WWOX: variants seen among roughly 807,000 people sequenced by gnomAD.
The protein encoded by WWOX is WW domain-containing oxidoreductase.
Under a neutral mutation model 46.2 loss-of-function variants are expected in WWOX, and 69 were observed. That is an observed-to-expected ratio of 1.49 (90% CI 1.23 to 1.82). WWOX has a LOEUF of 1.82. Ranked by LOEUF, WWOX falls within the 40% of genes most tolerant of loss-of-function variation. WWOX has a pLI of 0.00. For synonymous variants in WWOX, 359 were observed against 202.6 expected (o/e 1.77, Z -6.56); for missense variants, 919 against 542.6 (o/e 1.69, Z -6.89).
intron 8 of WWOX, among the ~76,000 whole-genome samples, chr16:78,632,038 A>T (rs2046444992): frequency 6.6e-6 from 1 of 152,168 alleles, no homozygotes; most frequent in African/African-American, 2.4e-5. Context: ...TTTCTTAAAA[A>T]AAATAAAAGT....
At chr16:79,067,793 G>A (rs980870048) in intron 8 of WWOX, among the ~76,000 whole-genome samples, 2 of 152,166 alleles carry the variant, frequency 1.3e-5, no homozygotes, top group Non-Finnish European at 2.9e-5. Flanking sequence ...GGACTTTGTG[G>A]TTCGAATGGA....
chr16:78,726,151 C>T (rs528057493), intron 8 of WWOX, among the ~76,000 whole-genome samples: 2 of 142,454 alleles, frequency 1.4e-5, no homozygotes, highest in East Asian at 2.2e-4. Context: ...CTCTTTCTCT[C>T]TTTCTCTTTC....
intron 8 of WWOX, among the ~76,000 whole-genome samples, chr16:78,981,350 C>A (rs1248779978): frequency 6.6e-6 from 1 of 152,004 alleles, no homozygotes; most frequent in Non-Finnish European, 1.5e-5. Context: ...CAGCAGATCT[C>A]TTTAGGGCAG....
chr16:78,766,711 G>C (rs1488384577), intron 8 of WWOX, among the ~76,000 whole-genome samples: 1 of 152,186 alleles, frequency 6.6e-6, no homozygotes, highest in East Asian at 1.9e-4. Context: ...GCCTGAACAG[G>C]CTCAGAGCAA....
intron 5 of WWOX, among the ~76,000 whole-genome samples, chr16:78,237,097 T>A (rs951933684): frequency 3.4e-4 from 41 of 119,448 alleles, no homozygotes; most frequent in African/African-American, 1.1e-3. Context: ...AAAAAAAAAA[T>A]CTGTGTTCTT....
At chr16:78,646,933 GA>G (rs2046858232) in intron 8 of WWOX, among the ~76,000 whole-genome samples, 1 of 152,152 alleles carries the variant, frequency 6.6e-6, no homozygotes, top group Non-Finnish European at 1.5e-5. Context: ...AGGTGGGTTG[GA>G]GGGGGGATGC....
intron 8 of WWOX, among the ~76,000 whole-genome samples, chr16:79,025,800 C>CTTTTTT (rs1567495625): frequency 0.031 from 965 of 31,524 alleles, 55 homozygotes; most frequent in African/African-American, 0.1. Context: ...GCTTTGCTTG[C>CTTTTTT]TTGCTTTTTT....
intron 8 of WWOX, among the ~76,000 whole-genome samples, chr16:78,924,256 T>C (rs2045447719): frequency 6.6e-6 from 1 of 152,186 alleles, no homozygotes; most frequent in Non-Finnish European, 1.5e-5. Flanking sequence ...AAAAGAACTT[T>C]ATAATGTGGT....
At chr16:78,681,882 C>T (rs1012480175) in intron 8 of WWOX, among the ~76,000 whole-genome samples, 3 of 152,176 alleles carry the variant, frequency 2.0e-5, no homozygotes, top group African/African-American at 4.8e-5. Flanking sequence ...ACACAAGTCT[C>T]GGGCCCCACC....
chr16:78,720,483 T>TC (rs2048663609), intron 8 of WWOX, among the ~76,000 whole-genome samples: 1 of 151,746 alleles, frequency 6.6e-6, no homozygotes, highest in Non-Finnish European at 1.5e-5. Context: ...TCTTTTTTTT[T>TC]TATGACACTT....
chr16:78,846,952 A>G (rs1473799449), intron 8 of WWOX, among the ~76,000 whole-genome samples: 3 of 152,230 alleles, frequency 2.0e-5, no homozygotes, highest in African/African-American at 7.2e-5. Context: ...AGGTCATAAT[A>G]CGACAGTATT....
chr16:78,815,946 G>A (rs552950549), intron 8 of WWOX, among the ~76,000 whole-genome samples: 20 of 152,248 alleles, frequency 1.3e-4, no homozygotes, highest in African/African-American at 4.1e-4. Context: ...GCTCTCTCTC[G>A]ATGTTCCCAA....
chr16:78,791,120 G>A (rs374198278), intron 8 of WWOX, among the ~76,000 whole-genome samples: 1 of 152,074 alleles, frequency 6.6e-6, no homozygotes, highest in Non-Finnish European at 1.5e-5. Flanking sequence ...AGGGAAGAAG[G>A]GGGTTGGAGG....
intron 8 of WWOX, among the ~76,000 whole-genome samples, chr16:79,042,659 C>T (rs989818128): frequency 2.6e-5 from 4 of 151,650 alleles, no homozygotes; most frequent in African/African-American, 7.3e-5. Flanking sequence ...GCATACAGTG[C>T]CAGTGGGCAG....
chr16:78,737,675 A>G lies in WWOX; in HGVS notation c.1056+304923A>G, dbSNP rs868049151. ...AGTTTAGCTCCCAGTCTACAGGGTT[A>G]TATTAAAAGAGGAAAAGGGGTATAA... is the stretch of plus-strand genomic sequence containing the variant. On this transcript the variant is annotated intron_variant, in intron 8 of 8. Coordinates refer to ENST00000566780, the MANE Select transcript of WWOX (RefSeq NM_016373.4). Among the ~76,000 whole-genome samples, 5 of 152,164 alleles carry G rather than the reference A, an allele frequency of 3.3e-5. No individual in the cohort carries two copies. The East Asian group carries it at 9.6e-4, about 29-fold the overall frequency.
chr16:78,870,268 C>G (rs1368070916), intron 8 of WWOX, among the ~76,000 whole-genome samples: 1 of 152,180 alleles, frequency 6.6e-6, no homozygotes, highest in African/African-American at 2.4e-5. Flanking sequence ...GACAATGACC[C>G]AGTTTCTTTG....
At chr16:78,624,261 C>G (rs1365547444) in intron 8 of WWOX, among the ~76,000 whole-genome samples, 3 of 151,180 alleles carry the variant, frequency 2.0e-5, no homozygotes, top group African/African-American at 4.9e-5. Context: ...CCCTGGGTGC[C>G]CCAGCATTAT....
Position 78,737,686 on chromosome 16 carries a change from G to C in WWOX, c.1056+304934G>C, listed in dbSNP as rs999664547. Among the ~76,000 whole-genome samples, 6 of 152,106 alleles carry C rather than the reference G, an allele frequency of 3.9e-5. No homozygotes were observed. The South Asian group carries it at 1.2e-3, about 32-fold the overall frequency. On this transcript the variant is annotated intron_variant, in intron 8 of 8. Transcript: ENST00000566780. ...CAGTCTACAGGGTTATATTAAAAGA[G>C]GAAAAGGGGTATAAGAATCTAGGTA...
At chr16:78,741,358 C>G (rs918920173) in intron 8 of WWOX, among the ~76,000 whole-genome samples, 9 of 152,028 alleles carry the variant, frequency 5.9e-5, no homozygotes, top group East Asian at 5.8e-4. Flanking sequence ...GTCAGGAGAT[C>G]GAGATCAGCC....
Sources: gnomAD v4.1 joint callset for allele counts (sites outside exome capture counted in the v4.1 genomes callset) on GRCh38, gnomAD v4.1.1 for gene constraint, MANE v1.5 for transcripts, NCBI Gene and HGNC (gene_info 2026-07-23, HGNC 2026-07-21) for gene names.